Variants in CD48 observed in about 807,000 individuals in gnomAD.
CD48 encodes CD48 molecule.
Under a neutral mutation model 22.0 loss-of-function variants are expected in CD48, and 20 were observed. That is an observed-to-expected ratio of 0.91 (90% CI 0.64 to 1.32). CD48 has a LOEUF of 1.32. CD48 is among the 40% of genes most tolerant of loss of function. CD48 has a pLI of 0.00. For synonymous variants in CD48, 110 were observed against 110.1 expected, an observed-to-expected ratio of 1.00 and a Z score of 0.01; for missense variants, 307 against 286.5, an observed-to-expected ratio of 1.07 and a Z score of -0.52.
chr1:160,685,488 A>G (rs1661966333), intron 1 of CD48, among the ~76,000 whole-genome samples: 1 of 152,206 alleles, frequency 6.6e-6, no homozygotes, highest in Non-Finnish European at 1.5e-5. Context: ...CCTTACTCTC[A>G]TACCAGTAGA....
At chr1:160,682,335 G>A (rs1385150707) in intron 2 of CD48, among the ~76,000 whole-genome samples, 1 of 150,864 alleles carries the variant, frequency 6.6e-6, no homozygotes, top group Non-Finnish European at 1.5e-5. Flanking sequence ...GTGGTGGTGT[G>A]CACTTTTAGT....
chr1:160,698,304 T>A (rs1662503977), intron 1 of CD48, among the ~76,000 whole-genome samples: 1 of 152,194 alleles, frequency 6.6e-6, no homozygotes, highest in East Asian at 1.9e-4. Context: ...TGGATCCCTG[T>A]GTCCACGGAC....
At chr1:160,697,655 A>G (rs1662480093) in intron 1 of CD48, among the ~76,000 whole-genome samples, 1 of 152,252 alleles carries the variant, frequency 6.6e-6, no homozygotes. Flanking sequence ...ATTAAAATTT[A>G]GACCTAAAGG....
chr1:160,700,838 T>C (rs1437108521), intron 1 of CD48, among the ~76,000 whole-genome samples: 1 of 152,212 alleles, frequency 6.6e-6, no homozygotes, highest in East Asian at 1.9e-4. Context: ...TCGACCACCA[T>C]TCCTAAATAT....
intron 3 of CD48, chr1:160,680,770 C>T (rs372263154): frequency 5.6e-5 from 60 of 1,071,636 alleles, no homozygotes; most frequent in Admixed American, 1.4e-4. Context: ...CTGACTTTGG[C>T]GGTCTAATGA....
At chr1:160,686,657 T>G (rs563833647) in intron 1 of CD48, 1 of 152,196 alleles carries the variant, frequency 6.6e-6, no homozygotes, top group Admixed American at 6.5e-5. Flanking sequence ...AGAGAGAAAT[T>G]TTAAAGCTGA....
At chr1:160,685,337 C>T in intron 1 of CD48, 148 bp from the exon 2 acceptor site, 2 of 642,278 alleles carry the variant, frequency 3.1e-6, no homozygotes, top group Non-Finnish European at 5.4e-6. Context: ...AGGTCCAGGT[C>T]TCCTGCTTAG....
intron 1 of CD48, among the ~76,000 whole-genome samples, chr1:160,698,442 C>T (rs199552475): frequency 5.9e-5 from 9 of 151,492 alleles, no homozygotes; most frequent in Middle Eastern, 6.8e-3. Context: ...GTCACAGCTA[C>T]GGCTGCTGTG....
intron 2 of CD48, chr1:160,683,469 G>A (rs1357042237): frequency 2.7e-5 from 4 of 149,884 alleles, no homozygotes; most frequent in Non-Finnish European, 1.5e-5. Flanking sequence ...TGTGGTAGCA[G>A]TATTTAAACC....
At position 160,678,930 on chromosome 1, in the gene CD48, G is replaced by A. The variant is rs571117738; in HGVS notation, c.*122C>T. On this transcript the variant is annotated 3_prime_UTR_variant, in exon 4 of 4. Coordinates refer to ENST00000368046, the MANE Select transcript of CD48 (RefSeq NM_001778.4). ...TTTAAAAGTTAACTTGAAAATCCTC[G>A]TTGATAATTCAGCAGCATGCTTCTG... is the stretch of plus-strand genomic sequence containing the variant. 1.1e-4 allele frequency: 74 copies of A among 689,880 alleles called. No homozygotes were observed. The highest frequency in any genetic ancestry group is 8.2e-4 in the South Asian group (47 of 57,346). 42.7% of individuals were successfully genotyped at this position (689,880 alleles called of 1,614,324 possible).
chr1:160,703,325 A>G (rs541077081), intron 1 of CD48, among the ~76,000 whole-genome samples: 7 of 152,314 alleles, frequency 4.6e-5, no homozygotes, highest in African/African-American at 1.4e-4. Context: ...CATAAGGAGA[A>G]GTAGGACCAT....
chr1:160,697,342 C>T (rs1444080047), intron 1 of CD48, among the ~76,000 whole-genome samples: 1 of 152,310 alleles, frequency 6.6e-6, no homozygotes, highest in East Asian at 1.9e-4. Flanking sequence ...TAACACCAGT[C>T]ACATGGATGG....
At chr1:160,710,387 G>A (rs982757765) in intron 1 of CD48, among the ~76,000 whole-genome samples, 1 of 144,076 alleles carries the variant, frequency 6.9e-6, no homozygotes, top group Non-Finnish European at 1.5e-5. Flanking sequence ...TACTAACCCA[G>A]GTTATAGCCC....
chr1:160,688,111 G>A (rs1662067044), intron 1 of CD48, among the ~76,000 whole-genome samples: 1 of 152,132 alleles, frequency 6.6e-6, no homozygotes, highest in Admixed American at 6.5e-5. Flanking sequence ...AATTTGACTT[G>A]CCAATTTTTG....
At chr1:160,700,867 T>C (rs530054) in intron 1 of CD48, among the ~76,000 whole-genome samples, 75,431 of 151,964 alleles carry the variant, frequency 0.5, 19,295 homozygotes, top group East Asian at 0.73. Flanking sequence ...AGTGGTCTGA[T>C]GAATTTTATC....
At chr1:160,680,515 A>G (rs1214756516) in intron 3 of CD48, 1 of 932,432 alleles carries the variant, frequency 1.1e-6, no homozygotes, top group Admixed American at 6.0e-5. Flanking sequence ...CCTAGAAGTG[A>G]CCCCAGGTAT....
intron 3 of CD48, among the ~76,000 whole-genome samples, chr1:160,679,805 A>G (rs541291859): frequency 1.3e-5 from 2 of 152,318 alleles, no homozygotes; most frequent in East Asian, 3.9e-4. Flanking sequence ...ATGAACAGTC[A>G]CACCCATTTT....
intron 1 of CD48, among the ~76,000 whole-genome samples, chr1:160,698,121 C>T (rs924783205): frequency 4.6e-5 from 7 of 152,092 alleles, no homozygotes; most frequent in Non-Finnish European, 8.8e-5. Flanking sequence ...TCCATTCTAA[C>T]GGTTCCTTTA....
chr1:160,698,283 G>A (rs1026775713), intron 1 of CD48, among the ~76,000 whole-genome samples: 23 of 152,182 alleles, frequency 1.5e-4, no homozygotes, highest in Admixed American at 1.2e-3. Context: ...GTGAGAGCAA[G>A]AGAAGGCATG....
Sources: allele counts gnomAD v4.1 joint callset (sites outside exome capture counted in the v4.1 genomes callset), GRCh38; gene constraint gnomAD v4.1.1; transcripts MANE v1.5; gene names NCBI Gene and HGNC (gene_info 2026-07-23, HGNC 2026-07-21).